The following RTN4RL1 variants were observed in gnomAD, a reference collection of about 807,000 sequenced individuals.
The protein encoded by RTN4RL1 is reticulon-4 receptor-like 1.
Under a neutral mutation model 25.6 loss-of-function variants are expected in RTN4RL1, and 7 were observed. The ratio of observed to expected loss-of-function variants is 0.27; its 90% CI spans 0.16 to 0.51. RTN4RL1 has a LOEUF of 0.51. RTN4RL1 is among the 20% of genes least tolerant of loss of function. The pLI, the probability that RTN4RL1 is intolerant of heterozygous loss-of-function variation, is 0.97. For synonymous variants in RTN4RL1, 297 were observed against 288.2 expected (o/e 1.03, Z -0.31); for missense variants, 500 against 615.6 (o/e 0.81, Z 1.99).
chr17:2,000,840 A>C lies in RTN4RL1; in HGVS notation c.13+24013T>G, dbSNP rs377577095. The stretch of plus-strand genomic sequence containing the variant: ...TGGCAGGGTTCTGGTTCTATTACCT[A>C]CGGGTCCAGCAGCCTTGGGCAAGGC... On this transcript the variant is annotated intron_variant, in intron 1 of 1. Transcript: ENST00000331238. Among the ~76,000 whole-genome samples the C allele has an allele frequency of 9.2e-5, 14 of 151,868 alleles. No homozygotes were observed. The East Asian group carries it at 2.4e-3, about 26-fold the overall frequency.
chr17:1,979,525 G>A (rs112943963), intron 1 of RTN4RL1, among the ~76,000 whole-genome samples: 4 of 1,122 alleles, frequency 3.6e-3, no homozygotes, highest in African/African-American at 8.1e-3. Flanking sequence ...AATGCTGAGT[G>A]GGGGGGTGTG....
chr17:2,021,671 C>T (rs1440340237), intron 1 of RTN4RL1, among the ~76,000 whole-genome samples: 2 of 150,310 alleles, frequency 1.3e-5, no homozygotes, highest in Non-Finnish European at 3.0e-5. Context: ...TCTCCTGCCT[C>T]AACTTCCCAA....
chr17:2,004,236 C>T (rs1275371230), intron 1 of RTN4RL1, among the ~76,000 whole-genome samples: 10 of 150,990 alleles, frequency 6.6e-5, no homozygotes, highest in African/African-American at 2.2e-4. Context: ...GGTGTGGTGG[C>T]GGGCGCCTGT....
At chr17:1,966,915 A>C (rs1461911063) in intron 1 of RTN4RL1, among the ~76,000 whole-genome samples, 1 of 151,314 alleles carries the variant, frequency 6.6e-6, no homozygotes, top group African/African-American at 2.4e-5. Flanking sequence ...GTCTCTCCCT[A>C]CCTCACCTCC....
At chr17:1,968,440 G>A (rs2066802554) in intron 1 of RTN4RL1, among the ~76,000 whole-genome samples, 1 of 152,104 alleles carries the variant, frequency 6.6e-6, no homozygotes, top group Non-Finnish European at 1.5e-5. Flanking sequence ...TCCTGCCTTT[G>A]CCTGGCCCCA....
chr17:2,016,596 G>A (rs1567530652), intron 1 of RTN4RL1, among the ~76,000 whole-genome samples: 1 of 152,248 alleles, frequency 6.6e-6, no homozygotes, highest in African/African-American at 2.4e-5. Context: ...CAAGGGCAAA[G>A]CCAGGGTTGC....
intron 1 of RTN4RL1, among the ~76,000 whole-genome samples, chr17:1,972,912 T>C (rs1245940619): frequency 6.6e-6 from 1 of 152,194 alleles, no homozygotes; most frequent in South Asian, 2.1e-4. Flanking sequence ...TTCTCTCCTC[T>C]CTGCAGATGA....
intron 1 of RTN4RL1, among the ~76,000 whole-genome samples, chr17:1,989,525 T>C (rs962507951): frequency 1.3e-5 from 2 of 152,116 alleles, no homozygotes; most frequent in Admixed American, 6.5e-5. Context: ...AGCATCACAC[T>C]GGCTGAGAAC....
chr17:1,990,409 T>C (rs2066904024), intron 1 of RTN4RL1, among the ~76,000 whole-genome samples: 2 of 151,486 alleles, frequency 1.3e-5, no homozygotes, highest in South Asian at 4.2e-4. Context: ...TAAAAAGTTC[T>C]TGTAGGCCGG....
At chr17:2,011,231 A>G (rs527634066) in intron 1 of RTN4RL1, among the ~76,000 whole-genome samples, 3 of 152,222 alleles carry the variant, frequency 2.0e-5, no homozygotes, top group Non-Finnish European at 4.4e-5. Context: ...AGCCTGGGCA[A>G]CAAGAGTGAA....
At chr17:1,956,274 C>T (rs1158934732) in intron 1 of RTN4RL1, among the ~76,000 whole-genome samples, 1 of 152,180 alleles carries the variant, frequency 6.6e-6, no homozygotes. Flanking sequence ...CGCCCAGATA[C>T]AATCGCAGCT....
At chr17:1,976,025 T>A (rs1052568414) in intron 1 of RTN4RL1, among the ~76,000 whole-genome samples, 1 of 152,192 alleles carries the variant, frequency 6.6e-6, no homozygotes, top group African/African-American at 2.4e-5. Flanking sequence ...CAGCACTCAC[T>A]CAAAATGCCT....
chr17:2,013,604 G>A (rs1172718703), intron 1 of RTN4RL1, among the ~76,000 whole-genome samples: 1 of 147,778 alleles, frequency 6.8e-6, no homozygotes. Flanking sequence ...CCTCACCCTG[G>A]AACATAAATA....
chr17:1,990,672 G>A (rs1380102266), intron 1 of RTN4RL1, among the ~76,000 whole-genome samples: 9 of 152,184 alleles, frequency 5.9e-5, no homozygotes, highest in Admixed American at 5.2e-4. Flanking sequence ...CTGCACTCCA[G>A]CCTGGGCAAT....
chr17:1,992,408 C>T (rs552397296), intron 1 of RTN4RL1, among the ~76,000 whole-genome samples: 1 of 151,766 alleles, frequency 6.6e-6, no homozygotes, highest in Non-Finnish European at 1.5e-5. Flanking sequence ...GAGTCCTTCT[C>T]TGGGTTCAGA....
chr17:1,997,616 A>G (rs778647858), intron 1 of RTN4RL1, among the ~76,000 whole-genome samples: 36 of 152,194 alleles, frequency 2.4e-4, no homozygotes, highest in Non-Finnish European at 4.6e-4. Flanking sequence ...GGTATTCCCC[A>G]GGCAATGCCC....
chr17:1,985,482 TGGG>T (rs1270124300), intron 1 of RTN4RL1, among the ~76,000 whole-genome samples: 1 of 152,192 alleles, frequency 6.6e-6, no homozygotes, highest in East Asian at 1.9e-4. Context: ...ACTGCTTCAC[TGGG>T]GGACAATTAA....
At chr17:1,992,286 G>A (rs1458325314) in intron 1 of RTN4RL1, among the ~76,000 whole-genome samples, 5 of 150,812 alleles carry the variant, frequency 3.3e-5, no homozygotes, top group African/African-American at 9.8e-5. Flanking sequence ...GTGAACCCGG[G>A]AGGCAGAGGT....
chr17:1,969,338 T>C (rs948716782), intron 1 of RTN4RL1, among the ~76,000 whole-genome samples: 87 of 152,220 alleles, frequency 5.7e-4, no homozygotes, highest in Middle Eastern at 6.8e-3. Context: ...ATTACAGGCA[T>C]GAGCCACCAT....
Sources: allele counts gnomAD v4.1 joint callset (sites outside exome capture counted in the v4.1 genomes callset), GRCh38; gene constraint gnomAD v4.1.1; transcripts MANE v1.5; gene names NCBI Gene and HGNC (gene_info 2026-07-23, HGNC 2026-07-21).